MTMR7: variants seen among roughly 807,000 people sequenced by gnomAD.
MTMR7 encodes the protein myotubularin related protein 7, also known as phosphatidylinositol-3-phosphate phosphatase MTMR7.
Under a neutral mutation model 81.2 loss-of-function variants are expected in MTMR7, and 76 were observed. That is an observed-to-expected ratio of 0.94 (90% CI 0.78 to 1.13). The LOEUF is 1.13. Among genes scored for constraint, MTMR7 ranks in the 50% most tolerant of loss-of-function variants. The pLI is 0.00. For missense variants in MTMR7, 1,044 were observed against 820.0 expected, an observed-to-expected ratio of 1.27 and a Z score of -3.34; for synonymous variants, 372 against 289.8, an observed-to-expected ratio of 1.28 and a Z score of -2.88.
chr8:17,380,481 C>A (rs532297317), intron 1 of MTMR7, among the ~76,000 whole-genome samples: 3 of 152,018 alleles, frequency 2.0e-5, no homozygotes, highest in East Asian at 3.9e-4. Flanking sequence ...GGGTCTCCAA[C>A]CTTTCGGCTT....
At chr8:17,373,886 C>T (rs1820494609) in intron 1 of MTMR7, among the ~76,000 whole-genome samples, 1 of 152,216 alleles carries the variant, frequency 6.6e-6, no homozygotes, top group Non-Finnish European at 1.5e-5. Flanking sequence ...AAGCATACCT[C>T]TCTCATATGC....
intron 5 of MTMR7, among the ~76,000 whole-genome samples, chr8:17,348,632 A>G (rs1468928168): frequency 1.3e-5 from 2 of 151,814 alleles, no homozygotes; most frequent in Non-Finnish European, 2.9e-5. Context: ...CATGCCACAG[A>G]TCTCCAGCAC....
chr8:17,380,954 C>T (rs1474287783), intron 1 of MTMR7, among the ~76,000 whole-genome samples: 2 of 152,150 alleles, frequency 1.3e-5, no homozygotes, highest in African/African-American at 4.8e-5. Context: ...GATACAAGAG[C>T]CCAAAGATTG....
At chr8:17,397,698 T>G (rs905252574) in intron 1 of MTMR7, among the ~76,000 whole-genome samples, 1 of 152,236 alleles carries the variant, frequency 6.6e-6, no homozygotes, top group South Asian at 2.1e-4. Flanking sequence ...CACCTGCTAA[T>G]GGTGGAGCCC....
intron 3 of MTMR7, among the ~76,000 whole-genome samples, chr8:17,361,980 G>A (rs1160237591): frequency 6.6e-6 from 1 of 152,014 alleles, no homozygotes; most frequent in African/African-American, 2.4e-5. Context: ...TGCCTTTGAT[G>A]CTTGTGAAGC....
intron 1 of MTMR7, among the ~76,000 whole-genome samples, chr8:17,377,430 T>C (rs1563367549): frequency 6.6e-6 from 1 of 152,144 alleles, no homozygotes; most frequent in Non-Finnish European, 1.5e-5. Flanking sequence ...TGAATTGTTT[T>C]CTTTTTACCT....
At chr8:17,306,723 C>G (rs1586144383) in intron 10 of MTMR7, among the ~76,000 whole-genome samples, 1 of 152,210 alleles carries the variant, frequency 6.6e-6, no homozygotes, top group Non-Finnish European at 1.5e-5. Context: ...GAGCAATGAT[C>G]AGTTTTAGAG....
chr8:17,377,766 T>C (rs1390650827), intron 1 of MTMR7, among the ~76,000 whole-genome samples: 1 of 152,182 alleles, frequency 6.6e-6, no homozygotes, highest in Non-Finnish European at 1.5e-5. Flanking sequence ...TTGCACTTTT[T>C]ATTTCTTCTT....
intron 1 of MTMR7, among the ~76,000 whole-genome samples, chr8:17,407,160 A>G (rs1041715888): frequency 6.6e-6 from 1 of 152,166 alleles, no homozygotes; most frequent in African/African-American, 2.4e-5. Flanking sequence ...CACTATACAC[A>G]CACACTAAAT....
At chr8:17,322,099 C>G (rs1358022204) in intron 7 of MTMR7, among the ~76,000 whole-genome samples, 1 of 150,770 alleles carries the variant, frequency 6.6e-6, no homozygotes, top group Non-Finnish European at 1.5e-5. Context: ...ACAGCCCTCC[C>G]TTGATTACCA....
At chr8:17,320,506 T>C (rs1818328306) in intron 7 of MTMR7, among the ~76,000 whole-genome samples, 1 of 152,134 alleles carries the variant, frequency 6.6e-6, no homozygotes. Context: ...GCAGGTCATG[T>C]AATCGTAGTA....
chr8:17,397,091 G>A (rs74726636), intron 1 of MTMR7, among the ~76,000 whole-genome samples: 1 of 151,904 alleles, frequency 6.6e-6, no homozygotes, highest in African/African-American at 2.4e-5. Context: ...GTACACAGTG[G>A]GCCTTGGGTG....
rs1010903572 is a variant in MTMR7, at chr8:17,345,417, C to A, written c.597+3536G>T. ...CACGCTCCTGATACTACACAGCCTG[C>A]CTCTCACAGCCCCTGGCTGTCACTC... On this transcript the variant is annotated intron_variant, in intron 5 of 13. Transcript: ENST00000180173. Among the ~76,000 whole-genome samples the A allele has an allele frequency of 2.0e-5, 3 of 152,334 alleles. No homozygotes were observed. In the South Asian group the frequency reaches 6.2e-4, roughly 32 times the overall value.
At chr8:17,307,963 ACC>A (rs1817567920) in intron 10 of MTMR7, among the ~76,000 whole-genome samples, 1 of 152,116 alleles carries the variant, frequency 6.6e-6, no homozygotes, top group African/African-American at 2.4e-5. Flanking sequence ...GGTGCAGCAC[ACC>A]AACATGGCAC....
Position 17,392,975 on chromosome 8 carries a change from T to G in MTMR7, c.25-19735A>C, listed in dbSNP as rs986612111. Among the ~76,000 whole-genome samples, 4 of 152,218 alleles carry G rather than the reference T, an allele frequency of 2.6e-5. No individual in the cohort carries two copies. The East Asian group carries it at 7.7e-4, about 29-fold the overall frequency. Reference sequence around the variant, plus strand: ...ATGTTATTTAGTGCTTTAAGTGTATTCTGTTTAGTCTCTAACAAGCTATAC... The same window carrying G: ...ATGTTATTTAGTGCTTTAAGTGTATGCTGTTTAGTCTCTAACAAGCTATAC... On this transcript the variant is annotated intron_variant, in intron 1 of 13. Coordinates refer to ENST00000180173, the MANE Select transcript of MTMR7 (RefSeq NM_004686.5).
At chr8:17,362,459 C>A (rs536866661) in intron 3 of MTMR7, among the ~76,000 whole-genome samples, 2 of 152,280 alleles carry the variant, frequency 1.3e-5, no homozygotes, top group East Asian at 3.9e-4. Context: ...GTGCATTAAT[C>A]CAGTTAGTAG....
chr8:17,326,415 G>A lies in MTMR7; in HGVS notation c.865+4735C>T, dbSNP rs564540198. On this transcript the variant is annotated intron_variant, in intron 7 of 13. Coordinates refer to ENST00000180173, the MANE Select transcript of MTMR7 (RefSeq NM_004686.5). ...TCCATAAACGTATCTTCATTACGAT[G>A]TGAGGTGGTTATAATGATCCTTGCA... 14 of 152,322 alleles carry A rather than the reference G, an allele frequency of 9.2e-5. 1 individual carries two copies. In the South Asian group the frequency reaches 2.9e-3, roughly 32 times the overall value. The allele number at this position is 152,322 out of a possible 1,614,324, so 9.4% of individuals were successfully genotyped here. A position where few individuals can be genotyped will look rare whatever the true frequency, so the allele number is the denominator to read the frequency against.
At chr8:17,334,939 C>T (rs552014872) in intron 6 of MTMR7, among the ~76,000 whole-genome samples, 29 of 152,182 alleles carry the variant, frequency 1.9e-4, no homozygotes, top group African/African-American at 6.7e-4. Flanking sequence ...AACCAATGAG[C>T]GAACCACTCC....
At chr8:17,366,778 C>T (rs11988001) in intron 3 of MTMR7, among the ~76,000 whole-genome samples, 12 of 150,438 alleles carry the variant, frequency 8.0e-5, no homozygotes, top group South Asian at 6.3e-4. Flanking sequence ...CCCAGCTACT[C>T]GGGAGGTTGA....
Sources: allele counts gnomAD v4.1 joint callset (sites outside exome capture counted in the v4.1 genomes callset), GRCh38; gene constraint gnomAD v4.1.1; transcripts MANE v1.5; gene names NCBI Gene and HGNC (gene_info 2026-07-23, HGNC 2026-07-21).